ADAMTSL1: variants seen among roughly 807,000 people sequenced by gnomAD.
The protein encoded by ADAMTSL1 is ADAMTS-like protein 1.
In ADAMTSL1, 126 loss-of-function variants were observed where a neutral mutation model predicts 201.8. That is an observed-to-expected ratio of 0.62 (90% CI 0.54 to 0.72). The LOEUF (loss-of-function observed/expected upper bound fraction) is 0.72, where lower values mean the gene tolerates loss of function less well. Among genes scored for constraint, ADAMTSL1 ranks in the 30% least tolerant of loss-of-function variants. The pLI is 0.00. For synonymous variants in ADAMTSL1, 1,121 were observed against 903.4 expected, an observed-to-expected ratio of 1.24 and a Z score of -4.32; for missense variants, 2,679 against 2,277.8, an observed-to-expected ratio of 1.18 and a Z score of -3.59.
chr9:18,583,551 CCA>C (rs1262732062), intron 4 of ADAMTSL1, among the ~76,000 whole-genome samples: 1 of 112,888 alleles, frequency 8.9e-6, no homozygotes, highest in Non-Finnish European at 2.1e-5. Flanking sequence ...TACTGGAACA[CCA>C]CCTAGGAAAG....
chr9:18,490,499 A>C (rs1396652462), intron 1 of ADAMTSL1, among the ~76,000 whole-genome samples: 1 of 152,218 alleles, frequency 6.6e-6, no homozygotes, highest in South Asian at 2.1e-4. Context: ...CTGAGTTTAA[A>C]GTATCAACAA....
chr9:18,091,636 A>G (rs1389493590), intron 1 of ADAMTSL1, among the ~76,000 whole-genome samples: 1 of 152,174 alleles, frequency 6.6e-6, no homozygotes, highest in Admixed American at 6.6e-5. Context: ...ATCCTTGTCC[A>G]TGTCACTTAA....
intron 2 of ADAMTSL1, among the ~76,000 whole-genome samples, chr9:18,293,590 C>A (rs1471410054): frequency 6.6e-6 from 1 of 152,204 alleles, no homozygotes; most frequent in Non-Finnish European, 1.5e-5. Flanking sequence ...CCTGACTTCA[C>A]ACTTTTTCTC....
intron 1 of ADAMTSL1, among the ~76,000 whole-genome samples, chr9:18,127,872 T>A (rs957411872): frequency 1.5e-4 from 23 of 152,284 alleles, no homozygotes; most frequent in African/African-American, 5.3e-4. Flanking sequence ...CTGATAGAAG[T>A]CTTTCATATG....
At chr9:18,099,303 T>G (rs1201104175) in intron 1 of ADAMTSL1, among the ~76,000 whole-genome samples, 1 of 134,428 alleles carries the variant, frequency 7.4e-6, no homozygotes, top group East Asian at 2.1e-4. Context: ...TCACTGGCTG[T>G]TTTTGCTTTG....
intron 13 of ADAMTSL1, among the ~76,000 whole-genome samples, chr9:18,697,462 G>A (rs1831627849): frequency 6.6e-6 from 1 of 152,124 alleles, no homozygotes; most frequent in Admixed American, 6.5e-5. Flanking sequence ...CTGGAAATTT[G>A]CTAGAAAATG....
At chr9:18,655,032 T>C (rs1001742104) in intron 7 of ADAMTSL1, among the ~76,000 whole-genome samples, 31 of 152,214 alleles carry the variant, frequency 2.0e-4, no homozygotes, top group Admixed American at 2.0e-3. Flanking sequence ...GCCAGCCCCC[T>C]TGCTGGCCCA....
At chr9:18,059,240 C>G (rs1344672043) in intron 1 of ADAMTSL1, among the ~76,000 whole-genome samples, 3 of 152,170 alleles carry the variant, frequency 2.0e-5, no homozygotes, top group Non-Finnish European at 4.4e-5. Context: ...GGACTGTTAA[C>G]TCCTTGCAAA....
At chr9:18,468,365 A>G (rs1402207210) in intron 2 of ADAMTSL1, among the ~76,000 whole-genome samples, 5 of 152,152 alleles carry the variant, frequency 3.3e-5, no homozygotes, top group African/African-American at 1.2e-4. Flanking sequence ...TTGAATTTGA[A>G]TCTAAATTAT....
intron 14 of ADAMTSL1, among the ~76,000 whole-genome samples, chr9:18,720,000 T>C (rs1041614555): frequency 6.6e-6 from 1 of 152,230 alleles, no homozygotes; most frequent in Non-Finnish European, 1.5e-5. Flanking sequence ...TATATATAAA[T>C]GTCCAGCTAT....
intron 2 of ADAMTSL1, among the ~76,000 whole-genome samples, chr9:18,525,524 A>G (rs976952180): frequency 6.6e-6 from 1 of 151,822 alleles, no homozygotes; most frequent in African/African-American, 2.4e-5. Flanking sequence ...AGTTCTTTTA[A>G]TTGTGATGTT....
intron 4 of ADAMTSL1, among the ~76,000 whole-genome samples, chr9:18,575,334 A>T (rs1822641868): frequency 6.6e-6 from 1 of 152,178 alleles, no homozygotes; most frequent in Non-Finnish European, 1.5e-5. Flanking sequence ...AGAGAAACTG[A>T]TGTCATATAG....
chr9:17,999,673 A>G (rs2131526456), intron 1 of ADAMTSL1, among the ~76,000 whole-genome samples: 1 of 150,696 alleles, frequency 6.6e-6, no homozygotes, highest in East Asian at 2.0e-4. Context: ...TTACATACGT[A>G]TACATGTGCC....
intron 2 of ADAMTSL1, among the ~76,000 whole-genome samples, chr9:18,343,450 G>A (rs974680924): frequency 6.6e-6 from 1 of 152,114 alleles, no homozygotes; most frequent in Non-Finnish European, 1.5e-5. Flanking sequence ...ACAAGCACAA[G>A]TCCAGCAGGA....
intron 2 of ADAMTSL1, among the ~76,000 whole-genome samples, chr9:18,311,050 TG>T (rs1217921411): frequency 6.6e-6 from 1 of 152,110 alleles, no homozygotes; most frequent in South Asian, 2.1e-4. Flanking sequence ...TCATGTCCTT[TG>T]TAGGGACATG....
chr9:18,350,011 G>C (rs1002424355), intron 2 of ADAMTSL1, among the ~76,000 whole-genome samples: 4 of 151,806 alleles, frequency 2.6e-5, no homozygotes, highest in African/African-American at 9.7e-5. Flanking sequence ...ACAATGTGTT[G>C]TTGGCCTGCA....
intron 23 of ADAMTSL1, among the ~76,000 whole-genome samples, chr9:18,838,208 C>T (rs1490632142): frequency 1.3e-5 from 2 of 152,050 alleles, no homozygotes; most frequent in African/African-American, 2.4e-5. Context: ...ACCATCAGAT[C>T]TCATGAGACT....
At chr9:18,514,139 A>G (rs1472601239) in intron 2 of ADAMTSL1, among the ~76,000 whole-genome samples, 3 of 152,114 alleles carry the variant, frequency 2.0e-5, no homozygotes, top group South Asian at 4.1e-4. Context: ...AGGTTTTACC[A>G]TTTATTTGTG....
At chr9:18,501,410 C>T (rs915703677) in intron 1 of ADAMTSL1, among the ~76,000 whole-genome samples, 1 of 149,734 alleles carries the variant, frequency 6.7e-6, no homozygotes, top group Non-Finnish European at 1.5e-5. Context: ...ACTCAAGAGG[C>T]TGAGGCAGGA....
Sources: gnomAD v4.1 joint callset for allele counts (sites outside exome capture counted in the v4.1 genomes callset) on GRCh38, gnomAD v4.1.1 for gene constraint, MANE v1.5 for transcripts, NCBI Gene and HGNC (gene_info 2026-07-23, HGNC 2026-07-21) for gene names.